ANKRD45: variants seen among roughly 807,000 people sequenced by gnomAD.
ANKRD45 encodes the protein ankyrin repeat domain 45, also known as ankyrin repeat domain-containing protein 45.
ANKRD45 carries 21 observed loss-of-function variants against 28.1 expected under a neutral mutation model. The observed-to-expected ratio is 0.75, with a 90% CI of 0.53 to 1.08. The LOEUF is 1.08. Among genes scored for constraint, ANKRD45 ranks in the 50% least tolerant of loss-of-function variants. The pLI, the probability that ANKRD45 is intolerant of heterozygous loss-of-function variation, is 0.00. For synonymous variants in ANKRD45, 86 were observed against 103.9 expected (o/e 0.83, Z 1.05); for missense variants, 261 against 308.7 (o/e 0.85, Z 1.16).
At chr1:173,689,251 A>T in the ANKRD45 span, among the ~76,000 whole-genome samples, 82 of 151,002 alleles carry the variant, frequency 5.4e-4, 1 homozygote, top group African/African-American at 1.9e-3. Context: ...GCTCCCCCAT[A>T]CTCTTTAGGG....
intron 4 of ANKRD45, 106 bp from the exon 5 acceptor site, chr1:173,625,031 A>C: frequency 8.4e-7 from 1 of 1,189,610 alleles, no homozygotes; most frequent in Non-Finnish European, 1.2e-6. Context: ...TGATGATAGA[A>C]ATATTCTGTA....
chr1:173,698,460 C>A, the ANKRD45 span, among the ~76,000 whole-genome samples: 1 of 152,072 alleles, frequency 6.6e-6, no homozygotes, highest in Non-Finnish European at 1.5e-5. Flanking sequence ...ACACAAATCA[C>A]AACAAACTGT....
chr1:173,678,514 C>T, the ANKRD45 span, among the ~76,000 whole-genome samples: 2 of 152,110 alleles, frequency 1.3e-5, no homozygotes, highest in African/African-American at 4.8e-5. Context: ...AATTCAACAG[C>T]ACTTTATGCT....
At chr1:173,639,674 G>C (rs1668619798) in intron 3 of ANKRD45, among the ~76,000 whole-genome samples, 1 of 152,174 alleles carries the variant, frequency 6.6e-6, no homozygotes, top group Admixed American at 6.5e-5. Flanking sequence ...CTCCAAGGGG[G>C]AGGGATCCAG....
chr1:173,624,586 A>G (rs908533509), intron 5 of ANKRD45, among the ~76,000 whole-genome samples: 3 of 152,172 alleles, frequency 2.0e-5, no homozygotes, highest in Admixed American at 6.5e-5. Flanking sequence ...GACATTTCCT[A>G]TAGGAAGAAT....
chr1:173,611,667 GCTAAAA>G, intron 5 of ANKRD45, among the ~76,000 whole-genome samples: 1 of 150,988 alleles, frequency 6.6e-6, no homozygotes. Flanking sequence ...AAACATTAGT[GCTAAAA>G]CTACAAAACT....
the ANKRD45 span, among the ~76,000 whole-genome samples, chr1:173,699,684 G>C: frequency 6.6e-6 from 1 of 152,130 alleles, no homozygotes; most frequent in African/African-American, 2.4e-5. Context: ...AATAATAAGA[G>C]CTATTTATGA....
intron 5 of ANKRD45, among the ~76,000 whole-genome samples, chr1:173,616,571 T>A (rs1168393928): frequency 1.3e-5 from 2 of 152,216 alleles, no homozygotes. Context: ...GTGAGAATTA[T>A]ATCTCAATAA....
rs754409350 is a variant in ANKRD45, at chr1:173,659,224, C to T, written c.195G>A (p.Gln65=). Residue 65 remains glutamine, a synonymous_variant, in exon 2 of 6, where the codon CAG becomes CAA. Transcript: ENST00000333279. ...FEDPENPHHE[Q]AMQLLLEEDI... Reference sequence around the variant, plus strand: ...CTTCTTCTAAGAGAAGCTGCATGGCCTGTTCATGATGAGGATTCTCAGGAT... The same window carrying T: ...CTTCTTCTAAGAGAAGCTGCATGGCTTGTTCATGATGAGGATTCTCAGGAT... 2.5e-6 allele frequency: 4 copies of T among 1,614,140 alleles called. No individual in the cohort carries two copies.
intron 2 of ANKRD45, among the ~76,000 whole-genome samples, chr1:173,650,256 A>G (rs901881144): frequency 4.6e-5 from 7 of 151,556 alleles, no homozygotes; most frequent in African/African-American, 1.7e-4. Flanking sequence ...CTCTCCACCA[A>G]CCCCCTGCCC....
intron 2 of ANKRD45, among the ~76,000 whole-genome samples, chr1:173,648,396 A>G (rs1047330207): frequency 6.6e-6 from 1 of 152,146 alleles, no homozygotes; most frequent in African/African-American, 2.4e-5. Flanking sequence ...TTGATCCAAC[A>G]TGTCAACAGA....
intron 3 of ANKRD45, chr1:173,637,096 T>C: frequency 8.5e-7 from 1 of 1,176,002 alleles, no homozygotes; most frequent in Non-Finnish European, 1.2e-6. Context: ...AAATCTATCA[T>C]CTAAGGATTA....
intron 2 of ANKRD45, chr1:173,658,093 C>G (rs1434815105): frequency 6.5e-6 from 1 of 152,718 alleles, no homozygotes; most frequent in Non-Finnish European, 1.5e-5. Context: ...GAGGCCAAGA[C>G]AGGTGGGTCA....
intron 5 of ANKRD45, among the ~76,000 whole-genome samples, chr1:173,624,361 T>C (rs1215153660): frequency 1.3e-5 from 2 of 151,924 alleles, no homozygotes; most frequent in East Asian, 3.9e-4. Flanking sequence ...AGCATGGTAA[T>C]GCCTGCCTGT....
chr1:173,692,239 C>T, the ANKRD45 span, among the ~76,000 whole-genome samples: 1 of 152,078 alleles, frequency 6.6e-6, no homozygotes, highest in Non-Finnish European at 1.5e-5. Context: ...ATTTAGAATT[C>T]ATATCTAACA....
the ANKRD45 span, among the ~76,000 whole-genome samples, chr1:173,713,233 C>T: frequency 2.0e-5 from 3 of 152,116 alleles, no homozygotes; most frequent in Admixed American, 2.0e-4. Context: ...TCCGTGAAAT[C>T]GCCTTTGCAA....
intron 5 of ANKRD45, among the ~76,000 whole-genome samples, chr1:173,623,035 G>T (rs1156783289): frequency 6.6e-6 from 1 of 151,990 alleles, no homozygotes; most frequent in Admixed American, 6.5e-5. Context: ...AAAAAAAAAG[G>T]CTGGGCATGG....
At chr1:173,628,619 A>G (rs149053271) in intron 3 of ANKRD45, among the ~76,000 whole-genome samples, 175 of 152,286 alleles carry the variant, frequency 1.1e-3, no homozygotes, top group African/African-American at 4.0e-3. Context: ...CTGCAGTAGA[A>G]TAGAGCACCA....
chr1:173,650,748 C>T (rs1270645980), intron 2 of ANKRD45, among the ~76,000 whole-genome samples: 1 of 152,184 alleles, frequency 6.6e-6, no homozygotes, highest in East Asian at 1.9e-4. Context: ...CACATCCTCT[C>T]CAGTACCTGT....
Sources: allele counts gnomAD v4.1 joint callset (sites outside exome capture counted in the v4.1 genomes callset), GRCh38; gene constraint gnomAD v4.1.1; transcripts MANE v1.5; gene names NCBI Gene and HGNC (gene_info 2026-07-23, HGNC 2026-07-21).